The following DYSF variants were observed in gnomAD, a reference collection of about 807,000 sequenced individuals.
DYSF encodes dystrophy-associated fer-1-like 1.
DYSF carries 212 observed loss-of-function variants against 274.9 expected under a neutral mutation model. The observed-to-expected ratio is 0.77, with a 90% confidence interval of 0.69 to 0.86. The LOEUF is 0.86. DYSF is among the 40% of genes least tolerant of loss of function. DYSF has a pLI of 0.00. For synonymous variants in DYSF, 1,091 were observed against 1,078.7 expected, an observed-to-expected ratio of 1.01 and a Z score of -0.22; for missense variants, 2,666 against 2,783.2, an observed-to-expected ratio of 0.96 and a Z score of 0.95.
intron 30 of DYSF, among the ~76,000 whole-genome samples, chr2:71,579,109 C>A (rs2092805831): frequency 6.6e-6 from 1 of 152,146 alleles, no homozygotes; most frequent in Non-Finnish European, 1.5e-5. Flanking sequence ...CCCCCTGTGG[C>A]CACAGCAGCC....
At chr2:71,470,644 A>G (rs1337524836) in intron 1 of DYSF, among the ~76,000 whole-genome samples, 6 of 142,526 alleles carry the variant, frequency 4.2e-5, no homozygotes, top group Non-Finnish European at 9.1e-5. Flanking sequence ...ACTGCACTCC[A>G]GCCTGGGTGA....
chr2:71,503,392 A>T, intron 4 of DYSF, 73 bp downstream of exon 4: 1 of 1,472,068 alleles, frequency 6.8e-7, no homozygotes, highest in Non-Finnish European at 9.5e-7. Context: ...GGGCCTTGCC[A>T]TTCTGACCCC....
intron 3 of DYSF, 135 bp from the exon 4 acceptor site, chr2:71,503,079 A>G: frequency 1.2e-6 from 1 of 804,670 alleles, no homozygotes; most frequent in South Asian, 1.3e-5. Context: ...GGTGCAGGAG[A>G]GCCCTCGTGG....
chr2:71,642,892 C>G (rs1331320252), intron 41 of DYSF, among the ~76,000 whole-genome samples: 1 of 152,206 alleles, frequency 6.6e-6, no homozygotes, highest in Non-Finnish European at 1.5e-5. Context: ...GTGTTCAGTT[C>G]CTGGTGGAGA....
At chr2:71,598,772 C>A (rs2093468198) in intron 33 of DYSF, 27 bp downstream of exon 33, 2 of 1,606,596 alleles carry the variant, frequency 1.2e-6, no homozygotes, top group African/African-American at 1.3e-5. Context: ...CCTGCCTCGT[C>A]CCCTCACAGG....
intron 43 of DYSF, 121 bp downstream of exon 43, chr2:71,656,411 G>C: frequency 7.2e-7 from 1 of 1,392,574 alleles, no homozygotes; most frequent in Non-Finnish European, 1.0e-6. Flanking sequence ...GTGACCACAT[G>C]GGTAATGGAG....
intron 6 of DYSF, 75 bp from the exon 7 acceptor site, chr2:71,513,641 T>A: frequency 3.3e-6 from 5 of 1,504,310 alleles, no homozygotes; most frequent in Non-Finnish European, 4.6e-6. Context: ...TTCTGCCCCC[T>A]GGGCTGGGTC....
intron 1 of DYSF, among the ~76,000 whole-genome samples, chr2:71,459,052 CT>C (rs1197137886): frequency 6.6e-6 from 1 of 152,174 alleles, no homozygotes; most frequent in Non-Finnish European, 1.5e-5. Context: ...TCAATTCCAC[CT>C]GGTGGACTGG....
intron 32 of DYSF, among the ~76,000 whole-genome samples, chr2:71,596,988 C>A (rs1057204126): frequency 1.3e-5 from 2 of 152,202 alleles, no homozygotes; most frequent in African/African-American, 4.8e-5. Context: ...CCCACCCCAA[C>A]CTTCCCACCT....
intron 3 of DYSF, among the ~76,000 whole-genome samples, chr2:71,483,309 G>C (rs923173670): frequency 2.6e-5 from 4 of 152,332 alleles, no homozygotes; most frequent in Admixed American, 1.3e-4. Flanking sequence ...TTCCAACGCA[G>C]ACACTGTGGA....
intron 24 of DYSF, among the ~76,000 whole-genome samples, chr2:71,566,674 A>G (rs1285949320): frequency 6.6e-6 from 1 of 152,128 alleles, no homozygotes; most frequent in Admixed American, 6.5e-5. Flanking sequence ...CATTCCTGCC[A>G]TCTCCCTGGG....
intron 52 of DYSF, among the ~76,000 whole-genome samples, chr2:71,675,303 T>G (rs2095200989): frequency 6.6e-6 from 1 of 152,178 alleles, no homozygotes. Context: ...GTGGTGCATT[T>G]ATGTGAGGTG....
exon 1 of DYSF, chr2:71,453,943 G>T: frequency 6.3e-7 from 1 of 1,587,956 alleles, no homozygotes; most frequent in South Asian, 1.1e-5. Flanking sequence ...CGGCCCTCCC[G>T]ACCTTTCCGA....
At chr2:71,548,199 C>T (rs1261341680) in intron 17 of DYSF, among the ~76,000 whole-genome samples, 6 of 152,204 alleles carry the variant, frequency 3.9e-5, no homozygotes, top group East Asian at 1.9e-4. Context: ...GGGGCTGGGC[C>T]GGGCCCTCCT....
intron 30 of DYSF, among the ~76,000 whole-genome samples, chr2:71,581,779 A>C (rs1224300746): frequency 6.6e-6 from 1 of 152,154 alleles, no homozygotes; most frequent in Admixed American, 6.5e-5. Context: ...CAAAAATAAT[A>C]ACCTCTTCTT....
In DYSF at chr2:71,500,173, T is replaced by C. The variant is rs112729588; in HGVS notation, c.240-3041T>C. On this transcript the variant is annotated intron_variant, in intron 3 of 55. Transcript: ENST00000410020. The stretch of plus-strand genomic sequence containing the variant: ...CCCTGTGAAATGAATGGATGAATGA[T>C]GAGTGGCCTTCTGGGTTTTCTGTGA... Among the ~76,000 whole-genome samples, 806 of 152,286 alleles carry C rather than the reference T, an allele frequency of 5.3e-3. 8 individuals are homozygous for C. The highest frequency in any genetic ancestry group is 0.019 in the African/African-American group (770 of 41,558).
chr2:71,530,474 G>C (rs1261639641), intron 14 of DYSF, among the ~76,000 whole-genome samples: 1 of 152,102 alleles, frequency 6.6e-6, no homozygotes, highest in African/African-American at 2.4e-5. Flanking sequence ...GCTGGCCCTG[G>C]GGATTTCTTT....
intron 1 of DYSF, among the ~76,000 whole-genome samples, chr2:71,470,401 G>A (rs2081910619): frequency 6.6e-6 from 1 of 152,122 alleles, no homozygotes; most frequent in Non-Finnish European, 1.5e-5. Context: ...GGCCAGGCGT[G>A]GTGGCTCACG....
chr2:71,586,181 G>C (rs1360371632), intron 30 of DYSF, among the ~76,000 whole-genome samples: 1 of 152,158 alleles, frequency 6.6e-6, no homozygotes, highest in Admixed American at 6.5e-5. Context: ...CAGTGGACCA[G>C]AGGATATAAG....
Sources: allele counts gnomAD v4.1 joint callset (sites outside exome capture counted in the v4.1 genomes callset), GRCh38; gene constraint gnomAD v4.1.1; transcripts MANE v1.5; gene names NCBI Gene and HGNC (gene_info 2026-07-23, HGNC 2026-07-21).